Variants in HORMAD2 observed in about 807,000 individuals in gnomAD.
The protein encoded by HORMAD2 is HORMA domain containing 2, also known as HORMA domain-containing protein 2.
A neutral mutation model predicts 38.8 loss-of-function variants in HORMAD2; 45 were observed. The ratio of observed to expected loss-of-function variants is 1.16; its 90% CI spans 0.91 to 1.49. HORMAD2 has a LOEUF of 1.49. Ranked by LOEUF, HORMAD2 falls within the 40% of genes most tolerant of loss-of-function variation. HORMAD2 has a pLI of 0.00. For missense variants in HORMAD2, 338 were observed against 367.0 expected, an observed-to-expected ratio of 0.92 and a Z score of 0.65; for synonymous variants, 126 against 122.8, an observed-to-expected ratio of 1.03 and a Z score of -0.17.
intron 10 of HORMAD2, among the ~76,000 whole-genome samples, chr22:30,135,296 G>A (rs1923574586): frequency 6.6e-6 from 1 of 151,914 alleles, no homozygotes; most frequent in Admixed American, 6.6e-5. Flanking sequence ...TTAGATAACA[G>A]GCACACAGGA....
At chr22:30,103,921 A>G (rs1337746791) in intron 4 of HORMAD2, among the ~76,000 whole-genome samples, 2 of 149,892 alleles carry the variant, frequency 1.3e-5, no homozygotes, top group Admixed American at 6.6e-5. Flanking sequence ...TGGCCCCCCA[A>G]AGTGCTGGGA....
At chr22:30,154,095 T>C (rs892218759) in intron 10 of HORMAD2, among the ~76,000 whole-genome samples, 1 of 152,218 alleles carries the variant, frequency 6.6e-6, no homozygotes, top group Non-Finnish European at 1.5e-5. Flanking sequence ...CTTCTTTCAA[T>C]TTCCCCTTAC....
chr22:30,202,761 T>C, the HORMAD2 span, among the ~76,000 whole-genome samples: 1 of 152,220 alleles, frequency 6.6e-6, no homozygotes, highest in Admixed American at 6.5e-5. Flanking sequence ...GCCTGGGACA[T>C]GCAGCCAGGA....
the HORMAD2 span, among the ~76,000 whole-genome samples, chr22:30,203,973 TCA>T: frequency 6.6e-6 from 1 of 152,158 alleles, no homozygotes; most frequent in African/African-American, 2.4e-5. Context: ...CATAGTGCCT[TCA>T]CACACATGCA....
intron 5 of HORMAD2, among the ~76,000 whole-genome samples, chr22:30,108,898 C>T (rs1921411127): frequency 6.6e-6 from 1 of 151,652 alleles, no homozygotes; most frequent in African/African-American, 2.4e-5. Flanking sequence ...TTTTTCTTTT[C>T]TCTTTCTTTC....
chr22:30,162,480 G>A (rs1467748187), intron 10 of HORMAD2, among the ~76,000 whole-genome samples: 5 of 151,964 alleles, frequency 3.3e-5, no homozygotes, highest in East Asian at 1.9e-4. Context: ...AAAAAAGAAC[G>A]TAAAATATCT....
At chr22:30,191,012 G>A in the HORMAD2 span, among the ~76,000 whole-genome samples, 1 of 152,152 alleles carries the variant, frequency 6.6e-6, no homozygotes, top group African/African-American at 2.4e-5. Flanking sequence ...GAGCAAGAAA[G>A]GCCAGCAAGG....
At chr22:30,096,228 A>G (rs2068779335) in intron 2 of HORMAD2, among the ~76,000 whole-genome samples, 1 of 152,194 alleles carries the variant, frequency 6.6e-6, no homozygotes, top group Admixed American at 6.5e-5. Context: ...CTATTACAAT[A>G]ATGCTTTTCT....
chr22:30,106,725 C>A (rs1280797441), intron 5 of HORMAD2, among the ~76,000 whole-genome samples: 1 of 152,166 alleles, frequency 6.6e-6, no homozygotes, highest in Non-Finnish European at 1.5e-5. Context: ...ACCTGTGTGA[C>A]CTTTGGCACG....
At chr22:30,139,839 G>A (rs1473325100) in intron 10 of HORMAD2, among the ~76,000 whole-genome samples, 3 of 151,960 alleles carry the variant, frequency 2.0e-5, no homozygotes. Flanking sequence ...AAATGATCAT[G>A]TGATTTTTGC....
At chr22:30,109,002 T>C (rs1431542505) in intron 5 of HORMAD2, among the ~76,000 whole-genome samples, 2 of 150,668 alleles carry the variant, frequency 1.3e-5, no homozygotes, top group East Asian at 3.9e-4. Context: ...TTTCTTTCCT[T>C]TCCTCCTTCC....
intron 10 of HORMAD2, among the ~76,000 whole-genome samples, chr22:30,145,363 C>A (rs1924348073): frequency 6.6e-6 from 1 of 151,888 alleles, no homozygotes; most frequent in Non-Finnish European, 1.5e-5. Flanking sequence ...TCAAAATTCA[C>A]AGAACTGTAC....
At chr22:30,195,647 G>A in the HORMAD2 span, among the ~76,000 whole-genome samples, 2 of 152,312 alleles carry the variant, frequency 1.3e-5, no homozygotes, top group Non-Finnish European at 2.9e-5. Context: ...AGATATTTAA[G>A]GTTCAACCAA....
chr22:30,100,259 A>G (rs1920933649), intron 3 of HORMAD2, among the ~76,000 whole-genome samples: 1 of 152,180 alleles, frequency 6.6e-6, no homozygotes, highest in South Asian at 2.1e-4. Flanking sequence ...GGAACAGAAC[A>G]GAGGCCTCAG....
intron 5 of HORMAD2, among the ~76,000 whole-genome samples, chr22:30,107,464 T>C (rs2146100480): frequency 6.6e-6 from 1 of 152,206 alleles, no homozygotes; most frequent in Admixed American, 6.5e-5. Flanking sequence ...AAAAGTAGTT[T>C]GAGGCCGAAC....
At chr22:30,088,828 A>C (rs1451284900) in intron 1 of HORMAD2, among the ~76,000 whole-genome samples, 5 of 151,970 alleles carry the variant, frequency 3.3e-5, no homozygotes, top group Admixed American at 3.3e-4. Flanking sequence ...CTACCCCAGT[A>C]GTGGGTAGTG....
Position 30,103,420 on chromosome 22 carries a change from T to A in HORMAD2, c.194-17T>A, listed in dbSNP as rs771001534. ...TCATTTAGTAGATAAAAATAGACTG[T>A]GTTTCTGTTTTTGTAGACCTCAGTT... On this transcript the variant is annotated splice_polypyrimidine_tract_variant and intron_variant, in intron 3 of 10. Transcript: ENST00000336726. The A allele has an allele frequency of 2.7e-6, 4 of 1,466,996 alleles. No individual in the cohort carries two copies. The African/African-American group carries it at 5.6e-5, about 21-fold the overall frequency. 90.9% of individuals were successfully genotyped at this position (1,466,996 alleles called of 1,614,324 possible). A position where few individuals can be genotyped will look rare whatever the true frequency, so the allele number is the denominator to read the frequency against.
chr22:30,078,619 A>C (rs1470461306), upstream of HORMAD2, among the ~76,000 whole-genome samples: 10 of 148,996 alleles, frequency 6.7e-5, no homozygotes, highest in South Asian at 2.1e-4. Context: ...AAAAAAAAAA[A>C]AAAAAAAAAA....
intron 10 of HORMAD2, among the ~76,000 whole-genome samples, chr22:30,162,994 G>A (rs976105524): frequency 2.6e-5 from 4 of 151,968 alleles, no homozygotes; most frequent in African/African-American, 7.3e-5. Flanking sequence ...GAGCCACCAC[G>A]CCTGGCGATT....
Sources: gnomAD v4.1 joint callset for allele counts (sites outside exome capture counted in the v4.1 genomes callset) on GRCh38, gnomAD v4.1.1 for gene constraint, MANE v1.5 for transcripts, NCBI Gene and HGNC (gene_info 2026-07-23, HGNC 2026-07-21) for gene names.